The following CELF2 variants were observed in gnomAD, a reference collection of about 807,000 sequenced individuals.
CELF2 encodes CUG triplet repeat RNA-binding protein 2.
CELF2 carries 8 observed loss-of-function variants against 62.6 expected under a neutral mutation model. The observed-to-expected ratio is 0.13, with a 90% CI of 0.07 to 0.23. The LOEUF is 0.23. Among genes scored for constraint, CELF2 ranks in the 10% least tolerant of loss-of-function variants. The probability of loss-of-function intolerance (pLI) is 1.00; values close to 1 mark genes in which losing one functional copy is unlikely to be tolerated. For missense variants in CELF2, 333 were observed against 671.0 expected (o/e 0.50, Z 5.56); for synonymous variants, 258 against 250.0 (o/e 1.03, Z -0.30).
At chr10:10,684,752 C>T in the CELF2 span, among the ~76,000 whole-genome samples, 3 of 152,084 alleles carry the variant, frequency 2.0e-5, no homozygotes, top group Admixed American at 6.6e-5. Context: ...TCAACAACAA[C>T]AACAAAAAAT....
chr10:11,165,145 G>A lies in CELF2; in HGVS notation c.75-341G>A. 3 of 1,078,572 alleles carry A rather than the reference G, an allele frequency of 2.8e-6. No homozygotes were observed. The highest frequency in any genetic ancestry group is 3.4e-6 in the Non-Finnish European group (3 of 886,886). 66.8% of individuals were successfully genotyped at this position (1,078,572 alleles called of 1,614,324 possible). A position where few individuals can be genotyped will look rare whatever the true frequency, so the allele number is the denominator to read the frequency against. The stretch of plus-strand genomic sequence containing the variant: ...GGTAGGGCTGATAAGGCGCTGATGC[G>A]TTGATGGCAGCCTTGCAGAGCTAGA... On this transcript the variant is annotated intron_variant, in intron 1 of 12. Coordinates refer to ENST00000633077, the MANE Select transcript of CELF2 (RefSeq NM_001326342.2). This position sits in a 1 kb window ranked among gnomAD's most constrained non-coding sequence, Gnocchi z 7.4.
rs12262652 is a variant in CELF2 at position 11,197,040 on chromosome 10, A to G, written c.272-20385A>G. ...AGAAAGAAAGAAAAGAAAGAAAGAA[A>G]GAAAGAAAGAAAGAAAGAAAAGAAA... is the stretch of plus-strand genomic sequence containing the variant. On this transcript the variant is annotated intron_variant, in intron 2 of 12. Coordinates refer to ENST00000633077, the MANE Select transcript of CELF2 (RefSeq NM_001326342.2). Among the ~76,000 whole-genome samples the G allele has an allele frequency of 3.6e-3, 101 of 28,046 alleles. 16 individuals are homozygous for G. Among genetic ancestry groups the G allele is most frequent in the African/African-American group, 0.023 (86 of 3,674 alleles). The allele number at this position is 28,046 out of a possible 152,430, so 18.4% of individuals were successfully genotyped here.
chr10:11,312,904 A>T (rs1404064352), intron 9 of CELF2, among the ~76,000 whole-genome samples: 1 of 152,240 alleles, frequency 6.6e-6, no homozygotes, highest in Non-Finnish European at 1.5e-5. Flanking sequence ...ACTGCACTCC[A>T]GTCTGGGCGA....
the CELF2 span, among the ~76,000 whole-genome samples, chr10:10,665,094 G>T: frequency 6.6e-6 from 1 of 152,062 alleles, no homozygotes; most frequent in Admixed American, 6.5e-5. Flanking sequence ...AGGTTTATTT[G>T]GGCCCCAGAG....
intron 1 of CELF2, among the ~76,000 whole-genome samples, chr10:10,813,370 T>C (rs1480184506): frequency 6.6e-6 from 1 of 152,252 alleles, no homozygotes; most frequent in Non-Finnish European, 1.5e-5. Context: ...GTGCTAGTTT[T>C]TCATTCTTAT....
At chr10:11,273,280 C>T (rs1377029746) in intron 7 of CELF2, among the ~76,000 whole-genome samples, 1 of 152,002 alleles carries the variant, frequency 6.6e-6, no homozygotes, top group Admixed American at 6.6e-5. Flanking sequence ...AGGAGAGGAG[C>T]GGCAGGCGAG....
At chr10:10,612,783 A>G in the CELF2 span, among the ~76,000 whole-genome samples, 1 of 152,206 alleles carries the variant, frequency 6.6e-6, no homozygotes, top group Non-Finnish European at 1.5e-5. Flanking sequence ...CTTCAGAGCC[A>G]GATTCTTGTA....
the CELF2 span, among the ~76,000 whole-genome samples, chr10:10,599,484 C>T: frequency 3.9e-5 from 6 of 152,106 alleles, no homozygotes; most frequent in Non-Finnish European, 7.3e-5. Flanking sequence ...AATTTATTCT[C>T]TTCCTGAATT....
chr10:10,911,856 A>C (rs7893924), intron 1 of CELF2, among the ~76,000 whole-genome samples: 2 of 152,092 alleles, frequency 1.3e-5, no homozygotes, highest in Non-Finnish European at 2.9e-5. Flanking sequence ...TAGCTGGCTC[A>C]TATTGCAATC....
intron 1 of CELF2, among the ~76,000 whole-genome samples, chr10:10,857,649 G>GTGTA (rs1554855649): frequency 1.1e-5 from 1 of 94,210 alleles, no homozygotes; most frequent in Non-Finnish European, 1.9e-5. Flanking sequence ...CATATATATA[G>GTGTA]TATATATATA....
intron 9 of CELF2, among the ~76,000 whole-genome samples, chr10:11,289,208 C>T (rs939304584): frequency 6.6e-6 from 1 of 152,038 alleles, no homozygotes; most frequent in East Asian, 1.9e-4. Flanking sequence ...AAAAGTCGAA[C>T]GTTTCACTGG....
the CELF2 span, among the ~76,000 whole-genome samples, chr10:10,678,776 A>C: frequency 2.0e-5 from 3 of 152,216 alleles, no homozygotes; most frequent in African/African-American, 4.8e-5. Flanking sequence ...GTTCCTGTTC[A>C]TGGAGGAAGT....
intron 1 of CELF2, among the ~76,000 whole-genome samples, chr10:10,894,524 T>G (rs975629462): frequency 6.6e-6 from 1 of 152,186 alleles, no homozygotes; most frequent in Non-Finnish European, 1.5e-5. Context: ...ATGTGAAAGT[T>G]CCTTTAGCAC....
intron 1 of CELF2, among the ~76,000 whole-genome samples, chr10:10,911,551 G>C (rs1234950641): frequency 1.3e-5 from 2 of 152,202 alleles, no homozygotes; most frequent in African/African-American, 4.8e-5. Flanking sequence ...CTCGTTCCAA[G>C]CACCGCGCAG....
At chr10:10,868,007 T>A (rs78455094) in intron 1 of CELF2, among the ~76,000 whole-genome samples, 1 of 152,358 alleles carries the variant, frequency 6.6e-6, no homozygotes, top group African/African-American at 2.4e-5. Flanking sequence ...CCATACAATC[T>A]GAAAATATAT....
At chr10:10,707,060 G>T in the CELF2 span, among the ~76,000 whole-genome samples, 1 of 152,198 alleles carries the variant, frequency 6.6e-6, no homozygotes, top group Admixed American at 6.5e-5. Flanking sequence ...ACCCTAGGGG[G>T]TCAATGCTGA....
chr10:10,920,364 C>T (rs957758003), intron 2 of CELF2, among the ~76,000 whole-genome samples: 3 of 152,040 alleles, frequency 2.0e-5, no homozygotes, highest in Non-Finnish European at 2.9e-5. Context: ...GTTTTTTCTT[C>T]AATGTATTCA....
At chr10:10,761,929 TG>T in the CELF2 span, among the ~76,000 whole-genome samples, 1 of 148,924 alleles carries the variant, frequency 6.7e-6, no homozygotes, top group Non-Finnish European at 1.5e-5. Flanking sequence ...TGTGTGTGTG[TG>T]TGTGTGTGTG....
chr10:10,559,576 G>A, the CELF2 span, among the ~76,000 whole-genome samples: 1 of 152,166 alleles, frequency 6.6e-6, no homozygotes, highest in African/African-American at 2.4e-5. Context: ...ATTGACTTAA[G>A]CACCAGCAGT....
Sources: allele counts gnomAD v4.1 joint callset (sites outside exome capture counted in the v4.1 genomes callset), GRCh38; gene constraint gnomAD v4.1.1; non-coding constraint Gnocchi (gnomAD v3.1); transcripts MANE v1.5; gene names NCBI Gene and HGNC (gene_info 2026-07-23, HGNC 2026-07-21).